PLXNA1: variants seen among roughly 807,000 people sequenced by gnomAD.
The protein encoded by PLXNA1 is plexin A1.
A neutral mutation model predicts 191.7 loss-of-function variants in PLXNA1; 77 were observed. The observed-to-expected ratio is 0.40, with a 90% CI of 0.33 to 0.49. The LOEUF (loss-of-function observed/expected upper bound fraction) is 0.49. PLXNA1 is among the 20% of genes least tolerant of loss of function. The pLI is 0.63. For missense variants in PLXNA1, 2,110 were observed against 2,660.2 expected, an observed-to-expected ratio of 0.79 and a Z score of 4.55; for synonymous variants, 1,137 against 1,156.4, an observed-to-expected ratio of 0.98 and a Z score of 0.34.
At chr3:126,983,453 T>G (rs1306370657) in intron 1 of PLXNA1, among the ~76,000 whole-genome samples, 166 bp downstream of exon 1, 2 of 144,578 alleles carry the variant, frequency 1.4e-5, no homozygotes, top group Non-Finnish European at 3.1e-5. Flanking sequence ...GCGGCGCGCG[T>G]GGGGACTGCG....
At chr3:127,016,246 G>A (rs1466335295) in intron 15 of PLXNA1, among the ~76,000 whole-genome samples, 2 of 152,124 alleles carry the variant, frequency 1.3e-5, no homozygotes, top group Non-Finnish European at 2.9e-5. Flanking sequence ...GCGACAGGGA[G>A]GCTGTGATGA....
At chr3:126,985,919 C>T (rs1190472626) in intron 1 of PLXNA1, among the ~76,000 whole-genome samples, 2 of 152,224 alleles carry the variant, frequency 1.3e-5, no homozygotes, top group East Asian at 3.9e-4. Flanking sequence ...GCTCGGGGCT[C>T]CCCCTTTCTT....
At chr3:127,019,536 T>G (rs1351522555) in intron 20 of PLXNA1, among the ~76,000 whole-genome samples, 2 of 152,166 alleles carry the variant, frequency 1.3e-5, no homozygotes, top group African/African-American at 4.8e-5. Flanking sequence ...GCCAGCCAGG[T>G]GCAGATAACT....
chr3:127,015,377 T>G, intron 15 of PLXNA1, 57 bp downstream of exon 15: 1 of 1,558,344 alleles, frequency 6.4e-7, no homozygotes, highest in South Asian at 1.2e-5. Context: ...TTTCAGATGG[T>G]TGCATGCCCC....
rs998737244 is a variant in PLXNA1, at chr3:126,991,290, G to A, written c.1195-94G>A. The A allele has an allele frequency of 1.3e-5, 19 of 1,429,496 alleles. No individual in the cohort carries two copies. In the African/African-American group the frequency reaches 2.4e-4, roughly 18 times the overall value. The allele number at this position is 1,429,496 out of a possible 1,614,324, so 88.6% of individuals were successfully genotyped here. A position where few individuals can be genotyped will look rare whatever the true frequency, so the allele number is the denominator to read the frequency against. The stretch of plus-strand genomic sequence containing the variant: ...CTGGGGGCTACCCCCAACCTCTCTA[G>A]AAAGACAACTGCACTCCCAGCCCTG... On this transcript the variant is annotated intron_variant, in intron 2 of 31. Transcript: ENST00000393409.
rs545580360 is a variant in PLXNA1 at position 126,989,107 on chromosome 3, G to A, written c.514G>A (p.Val172Met). The A allele has an allele frequency of 1.6e-5, 26 of 1,613,076 alleles. No individual in the cohort carries two copies. The highest frequency in any genetic ancestry group is 1.6e-4 in the East Asian group (7 of 44,866). ...SVQEAGSMAG[V>M]LIAGPPGQGQ... ...GCAGGAGGCAGGCAGCATGGCGGGC[G>A]TGCTCATTGCCGGGCCACCGGGCCA... is the stretch of plus-strand genomic sequence containing the variant. Residue 172 changes from valine (V) to methionine (M), a missense_variant, in exon 2 of 32, where the codon GTG (valine) becomes ATG (methionine). By Grantham distance (21) the Val-to-Met change is conservative. Coordinates refer to ENST00000393409, the MANE Select transcript of PLXNA1 (RefSeq NM_032242.4).
rs2078978701 is a variant in PLXNA1 at position 126,989,485 on chromosome 3, T to C, written c.892T>C (p.Phe298Leu). ...CCCCAAATTCTACTCGTACGTTGAGTTCCCCATTGGCTGCGAGCAGGCGGG... is the reference window on the plus strand; with the variant it reads ...CCCCAAATTCTACTCGTACGTTGAGCTCCCCATTGGCTGCGAGCAGGCGGG... ...DDPKFYSYVE[F>L]PIGCEQAGVE... Residue 298 changes from phenylalanine to leucine, a missense_variant, in exon 2 of 32, where the codon TTC becomes CTC. Phe to Leu is a conservative substitution (Grantham distance 22). Coordinates refer to ENST00000393409, the MANE Select transcript of PLXNA1 (RefSeq NM_032242.4). 1 of 1,613,626 alleles carries C rather than the reference T, an allele frequency of 6.2e-7. No individual in the cohort carries two copies. The highest frequency in any genetic ancestry group is 8.5e-7 in the Non-Finnish European group (1 of 1,180,024).
In PLXNA1 at chr3:127,018,280, C is replaced by A. The variant is rs1421842450; in HGVS notation, c.3661-14C>A. 7 of 1,580,578 alleles carry A rather than the reference C, an allele frequency of 4.4e-6. No individual in the cohort carries two copies. The East Asian group carries it at 1.6e-4, about 37-fold the overall frequency. ...AGCATGGGAAGCTCCTGAGTGGCCTCCACCCACTGGCAGGTGCGGGCAGGT... is the reference window on the plus strand; with the variant it reads ...AGCATGGGAAGCTCCTGAGTGGCCTACACCCACTGGCAGGTGCGGGCAGGT... On this transcript the variant is annotated splice_polypyrimidine_tract_variant and intron_variant, in intron 19 of 31. Transcript: ENST00000393409.
intron 9 of PLXNA1, among the ~76,000 whole-genome samples, chr3:127,009,584 T>G (rs2079086123): frequency 7.9e-6 from 1 of 127,336 alleles, no homozygotes; most frequent in African/African-American, 2.9e-5. Flanking sequence ...CCTCTTTCCG[T>G]CTCTGTTTCT....
intron 20 of PLXNA1, among the ~76,000 whole-genome samples, chr3:127,019,568 A>T (rs1299898429): frequency 6.6e-6 from 1 of 152,216 alleles, no homozygotes; most frequent in African/African-American, 2.4e-5. Flanking sequence ...AGCGATGCCC[A>T]GGAGACGAAG....
intron 9 of PLXNA1, among the ~76,000 whole-genome samples, chr3:127,009,126 G>A (rs1198198393): frequency 2.0e-5 from 3 of 152,184 alleles, no homozygotes; most frequent in Non-Finnish European, 4.4e-5. Context: ...GGGATGATGT[G>A]CAGATGCAGT....
chr3:126,991,667 A>C, intron 3 of PLXNA1, 101 bp downstream of exon 3: 1 of 1,273,694 alleles, frequency 7.9e-7, no homozygotes, highest in Non-Finnish European at 1.1e-6. Flanking sequence ...ATGCTGTGGG[A>C]GGCTAGATCT....
intron 21 of PLXNA1, among the ~76,000 whole-genome samples, chr3:127,020,689 C>T (rs990473029): frequency 6.6e-6 from 1 of 152,250 alleles, no homozygotes; most frequent in Non-Finnish European, 1.5e-5. Context: ...TCAGCCTGGG[C>T]TTCTGGCACC....
intron 1 of PLXNA1, among the ~76,000 whole-genome samples, 190 bp downstream of exon 1, chr3:126,983,477 C>G (rs1157237270): frequency 6.8e-6 from 1 of 146,028 alleles, no homozygotes; most frequent in African/African-American, 2.5e-5. Context: ...CGCGTGTCCG[C>G]GGCCCGCGTG....
intron 3 of PLXNA1, among the ~76,000 whole-genome samples, chr3:126,998,258 TG>T (rs768705233): frequency 6.6e-6 from 1 of 151,980 alleles, no homozygotes; most frequent in Non-Finnish European, 1.5e-5. Flanking sequence ...ACCAGCTGGA[TG>T]GGGGGTAGGT....
chr3:127,031,116 A>C (rs1048077160), intron 29 of PLXNA1, among the ~76,000 whole-genome samples: 2 of 152,152 alleles, frequency 1.3e-5, no homozygotes, highest in African/African-American at 2.4e-5. Flanking sequence ...TTCCCTGGTC[A>C]TGGACTGCCC....
Position 126,991,429 on chromosome 3 carries a change from C to T in PLXNA1, c.1240C>T (p.Pro414Ser). 6.2e-7 allele frequency: 1 copy of T among 1,612,874 alleles called. No homozygotes were observed. The highest frequency in any genetic ancestry group is 8.5e-7 in the Non-Finnish European group (1 of 1,179,896). ...CTTCTGCGGGCAGGACTTCAACCAGCCCCTGGGGGGCACAGTCACCATTGA... is the reference window on the plus strand; with the variant it reads ...CTTCTGCGGGCAGGACTTCAACCAGTCCCTGGGGGGCACAGTCACCATTGA... ...DDFCGQDFNQPLGGTVTIEGT... is the reference protein window; with the variant it reads ...DDFCGQDFNQSLGGTVTIEGT... The change falls in exon 3 of 32, where the codon CCC becomes TCC. Residue 414 changes from proline (P) to serine (S), a missense_variant. By Grantham distance (74) the Pro-to-Ser change is moderately conservative. Transcript: ENST00000393409.
rs2079240433 is a variant in PLXNA1 at position 127,035,877 on chromosome 3, T to TGC, written c.*1861_*1862dup. ...CGCGGGTCGGTGTGGAGTCAGTGAC[T>TGC]GCTGACTCAGGGAGCTCCTTGGCCC... On this transcript the variant is annotated 3_prime_UTR_variant, in exon 32 of 32. Transcript: ENST00000393409. The TGC allele has an allele frequency of 6.6e-6, 1 of 152,318 alleles. No homozygotes were observed. Among genetic ancestry groups the TGC allele is most frequent in the South Asian group, 2.1e-4 (1 of 4,830 alleles). The allele number at this position is 152,318 out of a possible 1,614,324, so 9.4% of individuals were successfully genotyped here.
chr3:127,018,516 G>A lies in PLXNA1; in HGVS notation c.3883G>A (p.Glu1295Lys), dbSNP rs2079136852. ...CAACCTGGAGTCCCGCGTGGCCCTCGAATGCAAGGAAGGTCTGTTGGGGCC... is the reference window on the plus strand; with the variant it reads ...CAACCTGGAGTCCCGCGTGGCCCTCAAATGCAAGGAAGGTCTGTTGGGGCC... ...MDNLESRVAL[E>K]CKEAFAELQT... The change falls in exon 20 of 32, where the codon GAA becomes AAA. Residue 1295 changes from glutamate (E) to lysine (K), a missense_variant. Coordinates refer to ENST00000393409, the MANE Select transcript of PLXNA1 (RefSeq NM_032242.4). 1 of 1,608,418 alleles carries A rather than the reference G, an allele frequency of 6.2e-7. No homozygotes were observed. The highest frequency in any genetic ancestry group is 8.5e-7 in the Non-Finnish European group (1 of 1,176,488).
Sources: allele counts gnomAD v4.1 joint callset (sites outside exome capture counted in the v4.1 genomes callset), GRCh38; gene constraint gnomAD v4.1.1; transcripts MANE v1.5; gene names NCBI Gene and HGNC (gene_info 2026-07-23, HGNC 2026-07-21).